KCNJ3: variants seen among roughly 807,000 people sequenced by gnomAD.
KCNJ3 encodes G protein-activated inward rectifier potassium channel 1.
In KCNJ3, 4 loss-of-function variants were observed where a neutral mutation model predicts 39.2. The observed-to-expected ratio is 0.10, with a 90% CI of 0.05 to 0.23. The LOEUF is 0.23. Ranked by LOEUF, KCNJ3 falls within the 10% of genes least tolerant of loss-of-function variation. The pLI is 1.00. For missense variants in KCNJ3, 276 were observed against 634.9 expected (o/e 0.43, Z 6.08); for synonymous variants, 230 against 237.4 (o/e 0.97, Z 0.29).
At chr2:154,846,133 C>T (rs1687659507) in intron 2 of KCNJ3, among the ~76,000 whole-genome samples, 1 of 152,080 alleles carries the variant, frequency 6.6e-6, no homozygotes, top group Non-Finnish European at 1.5e-5. Context: ...TTGTTCAGAG[C>T]AGGCCAGGTT....
At chr2:154,817,928 C>A (rs997749104) in intron 2 of KCNJ3, among the ~76,000 whole-genome samples, 2 of 151,688 alleles carry the variant, frequency 1.3e-5, no homozygotes, top group Admixed American at 1.3e-4. Context: ...ACGTGTCCAA[C>A]GATGTCATAT....
chr2:154,842,693 A>T (rs1288526344), intron 2 of KCNJ3, among the ~76,000 whole-genome samples: 1 of 152,148 alleles, frequency 6.6e-6, no homozygotes, highest in East Asian at 1.9e-4. Context: ...ACCATTATGT[A>T]ATGGCCTTCT....
At position 154,794,294 on chromosome 2, in the gene KCNJ3, T is replaced by C. The variant is rs550200466; in HGVS notation, c.920-60433T>C. 2.4e-4 allele frequency among the ~76,000 whole-genome samples: 37 copies of C among 152,178 alleles called. 1 individual carries two copies. Among genetic ancestry groups the C allele is most frequent in the Non-Finnish European group, 3.1e-4 (21 of 67,936 alleles). On this transcript the variant is annotated intron_variant, in intron 2 of 2. Transcript: ENST00000295101. ...AAATGATTTTACGTTAAAACTTTTA[T>C]TCTTATTCAGTATTTCCTTTCAATG...
intron 2 of KCNJ3, among the ~76,000 whole-genome samples, chr2:154,814,586 A>G (rs2105104468): frequency 6.6e-6 from 1 of 152,214 alleles, no homozygotes; most frequent in East Asian, 1.9e-4. Flanking sequence ...GCAGTGAGCC[A>G]AGATCGTGCC....
chr2:154,836,231 AAAAAAAAAAC>A (rs1451512800), intron 2 of KCNJ3, among the ~76,000 whole-genome samples: 3 of 52,612 alleles, frequency 5.7e-5, no homozygotes, highest in Non-Finnish European at 1.6e-4. Context: ...AAAAAAAACA[AAAAAAAAAAC>A]AAAAAAAAAC....
In KCNJ3 at chr2:154,742,686, T is replaced by G. The variant is rs558886367; in HGVS notation, c.919+32867T>G. 7.9e-5 allele frequency among the ~76,000 whole-genome samples: 12 copies of G among 151,992 alleles called. 2 individuals are homozygous for G. The South Asian group carries it at 2.3e-3, about 29-fold the overall frequency. ...GTTTATTTTCTTTGGAAAAAATGTC[T>G]ATTCAAGTTCTTTGCTCATGTTTGA... On this transcript the variant is annotated intron_variant, in intron 2 of 2. Transcript: ENST00000295101.
chr2:154,810,589 T>C (rs1193897037), intron 2 of KCNJ3, among the ~76,000 whole-genome samples: 5 of 152,254 alleles, frequency 3.3e-5, no homozygotes, highest in African/African-American at 1.2e-4. Flanking sequence ...AAAATAAATT[T>C]GGCATTTAAC....
chr2:154,733,037 T>C (rs938881983), intron 2 of KCNJ3, among the ~76,000 whole-genome samples: 1 of 152,196 alleles, frequency 6.6e-6, no homozygotes, highest in Non-Finnish European at 1.5e-5. Context: ...CCTATTTGTA[T>C]GTATACATTT....
intron 2 of KCNJ3, among the ~76,000 whole-genome samples, chr2:154,845,482 T>C (rs182972642): frequency 2.0e-5 from 3 of 152,250 alleles, no homozygotes; most frequent in East Asian, 3.9e-4. Flanking sequence ...TTATATTATA[T>C]TGTAGTTATA....
chr2:154,756,824 G>A (rs1322136784), intron 2 of KCNJ3, among the ~76,000 whole-genome samples: 1 of 151,934 alleles, frequency 6.6e-6, no homozygotes, highest in South Asian at 2.1e-4. Flanking sequence ...TTTGTTTTCA[G>A]TTTAATTTAA....
rs116421280 is a variant in KCNJ3, at chr2:154,827,094, C to G, written c.920-27633C>G. Among the ~76,000 whole-genome samples the G allele has an allele frequency of 8.6e-3, 1,304 of 152,170 alleles. 28 individuals are homozygous for G. Among genetic ancestry groups the G allele is most frequent in the African/African-American group, 0.03 (1,241 of 41,516 alleles). On this transcript the variant is annotated intron_variant, in intron 2 of 2. Transcript: ENST00000295101. ...TATATCCTGTTCTTGGAGATGACAA[C>G]CTTTTGCCGAATTGTATCCTTCTCC...
In KCNJ3 at chr2:154,857,144, C is replaced by G. The variant is rs1430824310; in HGVS notation, c.*1831C>G. 6.6e-6 allele frequency: 1 copy of G among 152,146 alleles called. No individual in the cohort carries two copies. Among genetic ancestry groups the G allele is most frequent in the Non-Finnish European group, 1.5e-5 (1 of 68,038 alleles). The allele number at this position is 152,146 out of a possible 1,614,324, so 9.4% of individuals were successfully genotyped here. ...ATGATCAATCTGGAGTGTGCATCCACTGTGAATGGAGCAAATTGCCCTATA... is the reference window on the plus strand; with the variant it reads ...ATGATCAATCTGGAGTGTGCATCCAGTGTGAATGGAGCAAATTGCCCTATA... On this transcript the variant is annotated 3_prime_UTR_variant, in exon 3 of 3. Coordinates refer to ENST00000295101, the MANE Select transcript of KCNJ3 (RefSeq NM_002239.4).
intron 2 of KCNJ3, among the ~76,000 whole-genome samples, chr2:154,750,974 C>T (rs139077820): frequency 1.3e-5 from 2 of 151,896 alleles, no homozygotes; most frequent in Non-Finnish European, 1.5e-5. Context: ...AATAGCAAAA[C>T]ACTTCGTTAT....
chr2:154,847,766 C>T (rs930472770), intron 2 of KCNJ3, among the ~76,000 whole-genome samples: 1 of 152,130 alleles, frequency 6.6e-6, no homozygotes, highest in Non-Finnish European at 1.5e-5. Flanking sequence ...CCTTAATGTA[C>T]AGATAATGAA....
At chr2:154,756,259 T>C (rs1336183155) in intron 2 of KCNJ3, among the ~76,000 whole-genome samples, 1 of 152,202 alleles carries the variant, frequency 6.6e-6, no homozygotes. Flanking sequence ...GCAATTGTCA[T>C]ATATATTATT....
At position 154,843,661 on chromosome 2, in the gene KCNJ3, C is replaced by T. The variant is rs191964506; in HGVS notation, c.920-11066C>T. Among the ~76,000 whole-genome samples, 647 of 151,974 alleles carry T rather than the reference C, an allele frequency of 4.3e-3. 1 individual carries two copies. Among genetic ancestry groups the T allele is most frequent in the Non-Finnish European group, 7.8e-3 (533 of 67,978 alleles). On this transcript the variant is annotated intron_variant, in intron 2 of 2. Coordinates refer to ENST00000295101, the MANE Select transcript of KCNJ3 (RefSeq NM_002239.4). ...CTTTTTACTCTTTTTTCTCTAACCT[C>T]GTCTTCACATTTTATTTCATTGATT...
intron 1 of KCNJ3, among the ~76,000 whole-genome samples, chr2:154,706,869 C>T (rs1249240983): frequency 6.6e-6 from 1 of 152,064 alleles, no homozygotes; most frequent in African/African-American, 2.4e-5. Flanking sequence ...AGGCACCTGC[C>T]ACATTAAAAC....
At chr2:154,785,935 A>G (rs561866656) in intron 2 of KCNJ3, among the ~76,000 whole-genome samples, 13 of 152,300 alleles carry the variant, frequency 8.5e-5, no homozygotes, top group African/African-American at 3.1e-4. Context: ...GAATTTGGAG[A>G]GAAAACACAG....
intron 2 of KCNJ3, among the ~76,000 whole-genome samples, chr2:154,741,855 G>A (rs998466293): frequency 5.9e-5 from 9 of 151,868 alleles, no homozygotes; most frequent in Admixed American, 1.3e-4. Context: ...AGTTTTCAGC[G>A]TACAAATCCT....
Sources: gnomAD v4.1 joint callset for allele counts (sites outside exome capture counted in the v4.1 genomes callset) on GRCh38, gnomAD v4.1.1 for gene constraint, MANE v1.5 for transcripts, NCBI Gene and HGNC (gene_info 2026-07-23, HGNC 2026-07-21) for gene names.